The following USP34 variants were observed in gnomAD, a reference collection of about 807,000 sequenced individuals.
The protein encoded by USP34 is ubiquitin specific peptidase 34, also known as ubiquitin carboxyl-terminal hydrolase 34.
A neutral mutation model predicts 460.3 loss-of-function variants in USP34; 70 were observed. That is an observed-to-expected ratio of 0.15 (90% CI 0.13 to 0.19). The LOEUF is 0.19. Among genes scored for constraint, USP34 ranks in the 10% least tolerant of loss-of-function variants. The pLI is 1.00. For synonymous variants in USP34, 1,647 were observed against 1,405.3 expected (o/e 1.17, Z -3.85); for missense variants, 3,985 against 4,236.2 (o/e 0.94, Z 1.65).
chr2:61,401,253 CCTTT>C (rs1471297211), intron 3 of USP34, among the ~76,000 whole-genome samples: 5 of 151,614 alleles, frequency 3.3e-5, no homozygotes, highest in Admixed American at 2.6e-4. Context: ...TGGTTTCTCT[CCTTT>C]CTACTTTTTT....
At chr2:61,215,434 G>A (rs1486107329) in intron 67 of USP34, among the ~76,000 whole-genome samples, 1 of 152,134 alleles carries the variant, frequency 6.6e-6, no homozygotes, top group Non-Finnish European at 1.5e-5. Context: ...GTCTTTTAAG[G>A]CTAAACTTAC....
intron 35 of USP34, 138 bp downstream of exon 35, chr2:61,284,737 T>G (rs961037110): frequency 8.3e-6 from 5 of 602,304 alleles, no homozygotes; most frequent in Admixed American, 3.2e-5. Flanking sequence ...ATACGTAAAT[T>G]TGGATGGAAG....
chr2:61,336,530 C>A (rs1382573094), intron 18 of USP34, among the ~76,000 whole-genome samples: 1 of 151,278 alleles, frequency 6.6e-6, no homozygotes, highest in African/African-American at 2.4e-5. Flanking sequence ...AAACCTCAAG[C>A]TGGGTGCAGT....
chr2:61,244,258 A>C (rs1165835473), intron 51 of USP34, among the ~76,000 whole-genome samples: 1 of 152,232 alleles, frequency 6.6e-6, no homozygotes, highest in African/African-American at 2.4e-5. Context: ...GAAAATTGAT[A>C]CTAGGATAAA....
intron 62 of USP34, 173 bp from the exon 63 acceptor site, chr2:61,223,469 A>C (rs1229251304): frequency 1.6e-5 from 10 of 630,800 alleles, no homozygotes; most frequent in Non-Finnish European, 2.7e-5. Flanking sequence ...GCAACTTTTC[A>C]ACATTCCAGG....
intron 1 of USP34, among the ~76,000 whole-genome samples, chr2:61,469,209 AG>A (rs1345245577): frequency 6.6e-6 from 1 of 152,170 alleles, no homozygotes. Context: ...CTCTGTCTCA[AG>A]AAAAAAAAAA....
At chr2:61,402,875 A>T (rs1331447039) in intron 3 of USP34, among the ~76,000 whole-genome samples, 2 of 152,136 alleles carry the variant, frequency 1.3e-5, no homozygotes, top group Non-Finnish European at 2.9e-5. Flanking sequence ...ACATATATAT[A>T]ATTTTATAAC....
At position 61,296,800 on chromosome 2, in the gene USP34, C is replaced by A; in HGVS notation, c.4254G>T (p.Gln1418His). 1 of 1,611,618 alleles carries A rather than the reference C, an allele frequency of 6.2e-7. No individual in the cohort carries two copies. Among genetic ancestry groups the A allele is most frequent in the Non-Finnish European group, 8.5e-7 (1 of 1,179,160 alleles). The part of the protein sequence containing the change: ...LMAFQNISDE[Q>H]SNDGFNWKEL... ...GAGTAAAGAGATTTTGTGGGCTCACCTGCTCATCTGAGATATTCTGGAATG... is the reference window on the plus strand; with the variant it reads ...GAGTAAAGAGATTTTGTGGGCTCACATGCTCATCTGAGATATTCTGGAATG... The change falls in exon 30 of 80, where the codon CAG becomes CAT. Residue 1418 changes from glutamine to histidine, a missense_variant and splice_region_variant. Coordinates refer to ENST00000398571, the MANE Select transcript of USP34 (RefSeq NM_014709.4).
intron 43 of USP34, among the ~76,000 whole-genome samples, chr2:61,262,111 A>T (rs1268915506): frequency 3.5e-5 from 3 of 85,638 alleles, no homozygotes; most frequent in South Asian, 9.3e-4. Context: ...AAAAAAAAAA[A>T]AAAAAATATA....
chr2:61,398,003 G>T (rs1021269986), intron 3 of USP34, among the ~76,000 whole-genome samples: 1 of 152,076 alleles, frequency 6.6e-6, no homozygotes, highest in Admixed American at 6.6e-5. Context: ...CTTGGGGGAG[G>T]GGGGTTGCAG....
chr2:61,298,692 C>T (rs1056256667), intron 29 of USP34, among the ~76,000 whole-genome samples: 1 of 151,602 alleles, frequency 6.6e-6, no homozygotes, highest in Non-Finnish European at 1.5e-5. Context: ...TTCTCTACTA[C>T]ATCCTCCACA....
intron 1 of USP34, among the ~76,000 whole-genome samples, chr2:61,453,236 C>G (rs1695337227): frequency 6.6e-6 from 1 of 151,848 alleles, no homozygotes; most frequent in Admixed American, 6.6e-5. Context: ...CATGGTGAAA[C>G]CCCATCTGTA....
At chr2:61,389,441 G>A (rs1693274815) in intron 5 of USP34, among the ~76,000 whole-genome samples, 1 of 152,070 alleles carries the variant, frequency 6.6e-6, no homozygotes, top group Non-Finnish European at 1.5e-5. Flanking sequence ...ACAGACACAA[G>A]TGATTAAAAA....
intron 3 of USP34, among the ~76,000 whole-genome samples, chr2:61,398,292 G>A (rs1220161237): frequency 6.6e-6 from 1 of 151,974 alleles, no homozygotes; most frequent in Non-Finnish European, 1.5e-5. Flanking sequence ...GCATGAACTT[G>A]GGAGGTCTAG....
At chr2:61,248,791 GTA>G in intron 48 of USP34, 108 bp from the exon 49 acceptor site, 1 of 1,049,340 alleles carries the variant, frequency 9.5e-7, no homozygotes, top group Non-Finnish European at 1.3e-6. Context: ...GAGTTAAGAA[GTA>G]TAGTAGTTCC....
intron 10 of USP34, among the ~76,000 whole-genome samples, chr2:61,362,428 T>C (rs763684052): frequency 1.4e-4 from 21 of 152,274 alleles, no homozygotes; most frequent in South Asian, 8.3e-4. Context: ...CACAGATGAA[T>C]AGACAAAATG....
chr2:61,320,065 A>T (rs1572931596), intron 21 of USP34, among the ~76,000 whole-genome samples: 2 of 152,232 alleles, frequency 1.3e-5, no homozygotes, highest in East Asian at 3.8e-4. Flanking sequence ...CTACCACCAG[A>T]CAGTTTAAAC....
At chr2:61,369,452 G>T (rs1038525818) in intron 10 of USP34, among the ~76,000 whole-genome samples, 1 of 152,020 alleles carries the variant, frequency 6.6e-6, no homozygotes, top group Non-Finnish European at 1.5e-5. Flanking sequence ...AGACCAGCCT[G>T]ACCAACATAG....
At chr2:61,303,649 T>G (rs1314409360) in intron 27 of USP34, among the ~76,000 whole-genome samples, 2 of 151,630 alleles carry the variant, frequency 1.3e-5, no homozygotes, top group African/African-American at 4.8e-5. Flanking sequence ...CACGCTGGAG[T>G]GCAGTGGCAC....
Sources: allele counts gnomAD v4.1 joint callset (sites outside exome capture counted in the v4.1 genomes callset), GRCh38; gene constraint gnomAD v4.1.1; transcripts MANE v1.5; gene names NCBI Gene and HGNC (gene_info 2026-07-23, HGNC 2026-07-21).